GABBR2: variants seen among roughly 807,000 people sequenced by gnomAD.
GABBR2 encodes gamma-aminobutyric acid type B receptor subunit 2.
GABBR2 carries 23 observed loss-of-function variants against 105.6 expected under a neutral mutation model. The observed-to-expected ratio is 0.22, with a 90% CI of 0.16 to 0.31. The LOEUF (loss-of-function observed/expected upper bound fraction) is 0.31, where lower values mean the gene tolerates loss of function less well. GABBR2 is among the 10% of genes least tolerant of loss of function. The pLI, the probability that GABBR2 is intolerant of heterozygous loss-of-function variation, is 1.00. For synonymous variants in GABBR2, 478 were observed against 499.7 expected (o/e 0.96, Z 0.58); for missense variants, 734 against 1,245.5 (o/e 0.59, Z 6.18).
At position 98,306,807 on chromosome 9, in the gene GABBR2, G is replaced by A. The variant is rs1405465729; in HGVS notation, c.2005-462C>T. On this transcript the variant is annotated intron_variant, in intron 14 of 18. Transcript: ENST00000259455. The surrounding 1 kb of genome is among the most constrained non-coding windows in gnomAD (Gnocchi z 5.4). ...TAAACTAAGCAGATCCCTTGTGTCT[G>A]AGACTTCTATTGTCCCCAAGCACAC... Among the ~76,000 whole-genome samples, 3 of 152,196 alleles carry A rather than the reference G, an allele frequency of 2.0e-5. No homozygotes were observed. In the East Asian group the frequency reaches 5.8e-4, roughly 29 times the overall value.
At chr9:98,346,738 T>C (rs1831309775) in intron 13 of GABBR2, among the ~76,000 whole-genome samples, 1 of 152,122 alleles carries the variant, frequency 6.6e-6, no homozygotes, top group African/African-American at 2.4e-5. Context: ...TACCTTCTAC[T>C]CTTTCCAATC....
In GABBR2 at chr9:98,600,822, C is replaced by T. The variant is rs75678911; in HGVS notation, c.322-22750G>A. On this transcript the variant is annotated intron_variant, in intron 1 of 18. Coordinates refer to ENST00000259455, the MANE Select transcript of GABBR2 (RefSeq NM_005458.8). ...AGCCTCTGCACCGCACCGCCACATG[C>T]GTGTGTCTGGCCTCACTGTGGCAGG... Among the ~76,000 whole-genome samples the T allele has an allele frequency of 7.3e-3, 1,109 of 152,334 alleles. 8 individuals are homozygous for T. Among genetic ancestry groups the T allele is most frequent in the Non-Finnish European group, 9.9e-3 (673 of 68,030 alleles).
intron 7 of GABBR2, among the ~76,000 whole-genome samples, chr9:98,410,550 G>T (rs1294370177): frequency 6.7e-6 from 1 of 150,348 alleles, no homozygotes; most frequent in African/African-American, 2.5e-5. Context: ...TTGCAGCAAG[G>T]GGAGCTACGA....
chr9:98,400,029 A>AAAC (rs1554700775), intron 8 of GABBR2, among the ~76,000 whole-genome samples: 4 of 149,446 alleles, frequency 2.7e-5, no homozygotes, highest in African/African-American at 7.5e-5. Context: ...AAAAAAAAAA[A>AAAC]AAAAACCTAG....
chr9:98,545,149 C>A (rs1255902803), intron 2 of GABBR2, among the ~76,000 whole-genome samples: 1 of 152,170 alleles, frequency 6.6e-6, no homozygotes, highest in Non-Finnish European at 1.5e-5. Flanking sequence ...AGTTCCAGGT[C>A]CACAATTAAT....
chr9:98,679,807 G>C (rs1564149544), intron 1 of GABBR2, among the ~76,000 whole-genome samples: 1 of 152,184 alleles, frequency 6.6e-6, no homozygotes, highest in Non-Finnish European at 1.5e-5. Context: ...TGAAGACACA[G>C]GAGCACAGAG....
At chr9:98,438,446 T>G (rs1280721033) in intron 7 of GABBR2, among the ~76,000 whole-genome samples, 2 of 152,172 alleles carry the variant, frequency 1.3e-5, no homozygotes, top group African/African-American at 4.8e-5. Context: ...GATAAAAGTC[T>G]CTCTGATGTA....
At chr9:98,623,886 G>T (rs765309874) in intron 1 of GABBR2, among the ~76,000 whole-genome samples, 1 of 152,154 alleles carries the variant, frequency 6.6e-6, no homozygotes, top group Non-Finnish European at 1.5e-5. Flanking sequence ...ATCTCTGGGG[G>T]CCATTTTTCT....
intron 3 of GABBR2, among the ~76,000 whole-genome samples, chr9:98,504,694 T>A (rs907655696): frequency 6.6e-6 from 1 of 152,182 alleles, no homozygotes; most frequent in African/African-American, 2.4e-5. Context: ...AATTATAGAT[T>A]TACTTCTATT....
intron 1 of GABBR2, among the ~76,000 whole-genome samples, chr9:98,598,389 G>C (rs1445583241): frequency 6.6e-6 from 1 of 152,134 alleles, no homozygotes; most frequent in East Asian, 1.9e-4. Context: ...TAGAAACAGG[G>C]TGAACACAAA....
chr9:98,652,926 T>C (rs1419159297), intron 1 of GABBR2, among the ~76,000 whole-genome samples: 1 of 152,226 alleles, frequency 6.6e-6, no homozygotes, highest in Non-Finnish European at 1.5e-5. Flanking sequence ...AGGCCCCATC[T>C]CCAGAGATAC....
chr9:98,601,134 A>C (rs1475777809), intron 1 of GABBR2, among the ~76,000 whole-genome samples: 1 of 152,252 alleles, frequency 6.6e-6, no homozygotes, highest in Non-Finnish European at 1.5e-5. Context: ...TCAGACTGTC[A>C]TAAAACACAC....
At chr9:98,418,881 A>G (rs1046252951) in intron 7 of GABBR2, among the ~76,000 whole-genome samples, 1 of 152,172 alleles carries the variant, frequency 6.6e-6, no homozygotes, top group African/African-American at 2.4e-5. Flanking sequence ...CACCACCCCC[A>G]CCCATGGTTC....
intron 2 of GABBR2, among the ~76,000 whole-genome samples, chr9:98,577,369 C>T (rs1487006168): frequency 6.6e-6 from 1 of 152,186 alleles, no homozygotes; most frequent in African/African-American, 2.4e-5. Flanking sequence ...GTGGAGCATT[C>T]AATGATGTAT....
At chr9:98,658,052 G>T (rs183582411) in intron 1 of GABBR2, among the ~76,000 whole-genome samples, 1 of 152,230 alleles carries the variant, frequency 6.6e-6, no homozygotes, top group African/African-American at 2.4e-5. Flanking sequence ...GGCACTGACT[G>T]CTTGCTAAGC....
At chr9:98,637,119 A>C (rs1829889714) in intron 1 of GABBR2, among the ~76,000 whole-genome samples, 1 of 152,192 alleles carries the variant, frequency 6.6e-6, no homozygotes. Flanking sequence ...TATCGAACTG[A>C]AAACTTCCTC....
At chr9:98,355,853 T>C (rs62574342) in intron 13 of GABBR2, among the ~76,000 whole-genome samples, 11,614 of 152,246 alleles carry the variant, frequency 0.076, 564 homozygotes, top group Middle Eastern at 0.13. Flanking sequence ...TAGGGTGGGA[T>C]TGATGAAATA....
At chr9:98,597,585 T>C (rs530210586) in intron 1 of GABBR2, among the ~76,000 whole-genome samples, 1 of 152,216 alleles carries the variant, frequency 6.6e-6, no homozygotes, top group Admixed American at 6.5e-5. Context: ...AGCCTGTCTG[T>C]GCACTCACCC....
chr9:98,707,867 G>A (rs1249143009), intron 1 of GABBR2, among the ~76,000 whole-genome samples: 1 of 152,216 alleles, frequency 6.6e-6, no homozygotes, highest in East Asian at 1.9e-4. Context: ...AGCGGGCTCA[G>A]AGCTGCTGGC....
Sources: gnomAD v4.1 joint callset for allele counts (sites outside exome capture counted in the v4.1 genomes callset) on GRCh38, gnomAD v4.1.1 for gene constraint, Gnocchi (gnomAD v3.1) non-coding constraint, MANE v1.5 for transcripts, NCBI Gene and HGNC (gene_info 2026-07-23, HGNC 2026-07-21) for gene names.